FNIP1: variants seen among roughly 807,000 people sequenced by gnomAD.
The protein encoded by FNIP1 is folliculin-interacting protein 1.
In FNIP1, 40 loss-of-function variants were observed where a neutral mutation model predicts 124.5. The observed-to-expected ratio is 0.32, with a 90% CI of 0.25 to 0.42. The LOEUF (loss-of-function observed/expected upper bound fraction) is 0.42, where lower values mean the gene tolerates loss of function less well. Among genes scored for constraint, FNIP1 ranks in the 10% least tolerant of loss-of-function variants. The pLI is 1.00. For missense variants in FNIP1, 1,176 were observed against 1,403.7 expected (o/e 0.84, Z 2.59); for synonymous variants, 472 against 470.6 (o/e 1.00, Z -0.04).
intron 15 of FNIP1, among the ~76,000 whole-genome samples, chr5:131,669,538 A>C (rs1213627142): frequency 6.6e-6 from 1 of 152,140 alleles, no homozygotes; most frequent in Non-Finnish European, 1.5e-5. Context: ...AAATTAATTA[A>C]TGAAATCCAT....
At chr5:131,692,229 A>G (rs1768505446) in intron 11 of FNIP1, among the ~76,000 whole-genome samples, 2 of 152,222 alleles carry the variant, frequency 1.3e-5, no homozygotes, top group African/African-American at 2.4e-5. Flanking sequence ...AATATACAAA[A>G]GTCAACTGCT....
chr5:131,738,924 C>G (rs1471740943), intron 2 of FNIP1, among the ~76,000 whole-genome samples: 3 of 150,724 alleles, frequency 2.0e-5, no homozygotes, highest in African/African-American at 7.3e-5. Flanking sequence ...TCAAGTGATT[C>G]TTCTGCCTCA....
At chr5:131,673,886 A>C (rs10038579) in intron 13 of FNIP1, among the ~76,000 whole-genome samples, 2,696 of 151,884 alleles carry the variant, frequency 0.018, 54 homozygotes, top group African/African-American at 0.047. Flanking sequence ...AAATACAAAA[A>C]CTAGCCAGGT....
chr5:131,793,364 T>C (rs1275999846), intron 1 of FNIP1, among the ~76,000 whole-genome samples: 1 of 152,190 alleles, frequency 6.6e-6, no homozygotes, highest in Non-Finnish European at 1.5e-5. Context: ...TGTACTATAG[T>C]TATTGGGCTT....
intron 11 of FNIP1, among the ~76,000 whole-genome samples, chr5:131,692,825 T>G (rs939324171): frequency 6.6e-5 from 10 of 151,792 alleles, no homozygotes; most frequent in African/African-American, 2.4e-4. Context: ...CTGGCCAACA[T>G]GACAAAACCC....
At chr5:131,765,948 C>G (rs1206281155) in intron 1 of FNIP1, among the ~76,000 whole-genome samples, 1 of 152,166 alleles carries the variant, frequency 6.6e-6, no homozygotes, top group Non-Finnish European at 1.5e-5. Context: ...TTCTCATGCT[C>G]TGCTGTTTCA....
chr5:131,772,040 C>T (rs550880018), intron 1 of FNIP1, among the ~76,000 whole-genome samples: 172 of 152,224 alleles, frequency 1.1e-3, no homozygotes, highest in Non-Finnish European at 2.1e-3. Context: ...AACCTTCACA[C>T]ATACAAAGGA....
At chr5:131,673,587 T>G (rs922105977) in intron 13 of FNIP1, among the ~76,000 whole-genome samples, 1 of 152,196 alleles carries the variant, frequency 6.6e-6, no homozygotes, top group African/African-American at 2.4e-5. Flanking sequence ...AAGTACTGCC[T>G]GAAGTACTAT....
At chr5:131,706,572 AT>A (rs780684663) in intron 8 of FNIP1, 26 bp from the exon 9 acceptor site, 2 of 1,510,694 alleles carry the variant, frequency 1.3e-6, no homozygotes, top group South Asian at 2.7e-5. Context: ...AACAACAAGT[AT>A]AAGTCAATAA....
intron 9 of FNIP1, among the ~76,000 whole-genome samples, chr5:131,705,868 G>A (rs1352452198): frequency 2.0e-5 from 3 of 152,104 alleles, no homozygotes; most frequent in Non-Finnish European, 4.4e-5. Context: ...TAGACAAATG[G>A]ATAAACAAAA....
chr5:131,665,116 A>C (rs1767559165), intron 15 of FNIP1, among the ~76,000 whole-genome samples: 1 of 152,118 alleles, frequency 6.6e-6, no homozygotes, highest in African/African-American at 2.4e-5. Flanking sequence ...AGTGTGACTA[A>C]TATCACCACA....
intron 10 of FNIP1, among the ~76,000 whole-genome samples, chr5:131,703,036 C>T (rs1428261439): frequency 6.6e-6 from 1 of 152,200 alleles, no homozygotes; most frequent in East Asian, 1.9e-4. Context: ...CATAAAAACA[C>T]AAGGATGTCC....
At chr5:131,704,362 T>C (rs1769006585) in intron 9 of FNIP1, 96 bp from the exon 10 acceptor site, 1 of 1,027,216 alleles carries the variant, frequency 9.7e-7, no homozygotes, top group South Asian at 1.7e-5. Flanking sequence ...CTAAGTCTTT[T>C]GCTGTTTTAT....
chr5:131,787,021 T>TCTCTTCAGTATCTACTTCCCC (rs1772240068), intron 1 of FNIP1, among the ~76,000 whole-genome samples: 1 of 152,172 alleles, frequency 6.6e-6, no homozygotes, highest in Non-Finnish European at 1.5e-5. Context: ...ACTGGGACTA[T>TCTCTTCAGTATCTACTTCCCC]CTCTTCAGTA....
chr5:131,730,229 C>G (rs190111308), intron 3 of FNIP1, among the ~76,000 whole-genome samples: 1 of 152,290 alleles, frequency 6.6e-6, no homozygotes, highest in East Asian at 1.9e-4. Flanking sequence ...ATTTCAGACT[C>G]TTTTCACATA....
At chr5:131,716,524 C>T in intron 6 of FNIP1, 41 bp downstream of exon 6, 12 of 1,333,146 alleles carry the variant, frequency 9.0e-6, no homozygotes, top group Non-Finnish European at 1.2e-5. Context: ...TGTTACCCTG[C>T]TAGTATTTTT....
At chr5:131,658,617 G>A (rs946630916) in intron 15 of FNIP1, among the ~76,000 whole-genome samples, 7 of 151,928 alleles carry the variant, frequency 4.6e-5, no homozygotes, top group Non-Finnish European at 8.8e-5. Context: ...GTATTAAGGT[G>A]AAGATTAAAA....
At chr5:131,668,588 G>A (rs1055080250) in intron 15 of FNIP1, among the ~76,000 whole-genome samples, 1 of 152,228 alleles carries the variant, frequency 6.6e-6, no homozygotes, top group Non-Finnish European at 1.5e-5. Context: ...CAGAGGCTGA[G>A]GCAAGAGAAT....
intron 16 of FNIP1, among the ~76,000 whole-genome samples, chr5:131,650,312 T>C (rs1204250976): frequency 1.3e-5 from 2 of 152,322 alleles, no homozygotes; most frequent in South Asian, 2.1e-4. Flanking sequence ...TTATACCTTA[T>C]AGTGTACAAG....
Sources: gnomAD v4.1 joint callset for allele counts (sites outside exome capture counted in the v4.1 genomes callset) on GRCh38, gnomAD v4.1.1 for gene constraint, MANE v1.5 for transcripts, NCBI Gene and HGNC (gene_info 2026-07-23, HGNC 2026-07-21) for gene names.